The following RFX6 variants were observed in gnomAD, a reference collection of about 807,000 sequenced individuals.
RFX6 encodes regulatory factor X6.
In RFX6, 50 loss-of-function variants were observed where a neutral mutation model predicts 110.8. That is an observed-to-expected ratio of 0.45 (90% CI 0.36 to 0.57). RFX6 has a LOEUF of 0.57. RFX6 is among the 20% of genes least tolerant of loss of function. The probability of loss-of-function intolerance (pLI) is 0.00; values close to 1 mark genes in which losing one functional copy is unlikely to be tolerated. For synonymous variants in RFX6, 383 were observed against 411.2 expected (o/e 0.93, Z 0.83); for missense variants, 990 against 1,127.0 (o/e 0.88, Z 1.74).
intron 6 of RFX6, among the ~76,000 whole-genome samples, chr6:116,905,082 T>G (rs1074469): frequency 0.39 from 58,767 of 152,036 alleles, 12,024 homozygotes; most frequent in East Asian, 0.51. Context: ...TTTTAATTTT[T>G]GGGGGAACTA....
At chr6:116,890,191 G>A (rs1205426605) in intron 4 of RFX6, among the ~76,000 whole-genome samples, 1 of 151,976 alleles carries the variant, frequency 6.6e-6, no homozygotes, top group Non-Finnish European at 1.5e-5. Flanking sequence ...TTTAAATTTT[G>A]CCTTCAAACC....
Position 116,894,023 on chromosome 6 carries a change from T to G in RFX6, c.603T>G (p.Ser201Arg). The G allele has an allele frequency of 1.9e-6, 3 of 1,604,352 alleles. No homozygotes were observed. Among genetic ancestry groups the G allele is most frequent in the Non-Finnish European group, 2.6e-6 (3 of 1,171,238 alleles). The change falls in exon 5 of 19, where the codon AGT (serine) becomes AGG (arginine). Residue 201 changes from serine (S) to arginine (R), a missense_variant. Around this residue, in one of 5 missense-constraint regions of RFX6, gnomAD observed 243 missense variants for 353.1 expected, o/e 0.69. Coordinates refer to ENST00000332958, the MANE Select transcript of RFX6 (RefSeq NM_173560.4). ...ATGGGATTGGCATCAAAGAGAGCAGTGCATATTACCACTCCGTTTATTCTG... is the reference window on the plus strand; with the variant it reads ...ATGGGATTGGCATCAAAGAGAGCAGGGCATATTACCACTCCGTTTATTCTG... ...HYYGIGIKES[S>R]AYYHSVYSGK... is the part of the protein sequence containing the mutation.
intron 5 of RFX6, 148 bp from the exon 6 acceptor site, chr6:116,895,032 G>A (rs1362886681): frequency 2.2e-5 from 12 of 537,306 alleles, no homozygotes; most frequent in Non-Finnish European, 4.1e-5. Flanking sequence ...TGAGAAAGAT[G>A]CTTGATTTCT....
At chr6:116,926,541 C>T (rs1489234019) in intron 16 of RFX6, among the ~76,000 whole-genome samples, 2 of 152,166 alleles carry the variant, frequency 1.3e-5, no homozygotes, top group Non-Finnish European at 2.9e-5. Context: ...TCCATTTCTA[C>T]CAATGGAACA....
At chr6:116,891,489 T>C (rs1295548755) in intron 4 of RFX6, among the ~76,000 whole-genome samples, 1 of 152,218 alleles carries the variant, frequency 6.6e-6, no homozygotes, top group East Asian at 1.9e-4. Context: ...ATTTAAACTA[T>C]AAAGCTTATA....
rs1319174630 is a variant in RFX6, at chr6:116,877,341, G to A, written c.66G>A (p.Pro22=). ...CGCAGCCTGCGCCCCAACTGTCCCC[G>A]GGGATCCAGGAAGACTGCTGTGTGC... ...LQAQPAPQLS[P]GIQEDCCVQL... The change falls in exon 1 of 19, where the codon CCG becomes CCA. Residue 22 remains proline, a synonymous_variant. Transcript: ENST00000332958. 3 of 1,612,786 alleles carry A rather than the reference G, an allele frequency of 1.9e-6. No individual in the cohort carries two copies. The highest frequency in any genetic ancestry group is 2.2e-5 in the East Asian group (1 of 44,760).
intron 9 of RFX6, among the ~76,000 whole-genome samples, chr6:116,917,338 G>GTT (rs5879394): frequency 0.024 from 3,353 of 139,216 alleles, 153 homozygotes; most frequent in African/African-American, 0.081. Flanking sequence ...GGATTGTCTT[G>GTT]TTTTTTTTTT....
intron 18 of RFX6, among the ~76,000 whole-genome samples, chr6:116,929,198 G>C (rs1775827690): frequency 6.6e-6 from 1 of 151,996 alleles, no homozygotes; most frequent in African/African-American, 2.4e-5. Context: ...TGCTAGATCT[G>C]TTACTTTTTA....
intron 6 of RFX6, among the ~76,000 whole-genome samples, chr6:116,903,564 C>T (rs9372470): frequency 0.39 from 58,664 of 151,708 alleles, 12,005 homozygotes; most frequent in East Asian, 0.51. Context: ...ACTTTTTCCT[C>T]CCTACTCATC....
chr6:116,929,625 A>G (rs952265473), intron 18 of RFX6, among the ~76,000 whole-genome samples: 7 of 152,220 alleles, frequency 4.6e-5, no homozygotes, highest in Non-Finnish European at 1.0e-4. Flanking sequence ...AAATTCTGCA[A>G]TAATAATTAG....
chr6:116,920,105 A>G (rs1468331587), intron 11 of RFX6, among the ~76,000 whole-genome samples: 2 of 152,144 alleles, frequency 1.3e-5, no homozygotes, highest in Non-Finnish European at 1.5e-5. Flanking sequence ...TTAACTCATC[A>G]TTTACATTAG....
At chr6:116,893,417 C>T (rs959148600) in intron 4 of RFX6, among the ~76,000 whole-genome samples, 4 of 152,222 alleles carry the variant, frequency 2.6e-5, no homozygotes, top group African/African-American at 9.6e-5. Context: ...TTACTTTCCA[C>T]ATGTCATTTT....
chr6:116,903,971 G>A (rs181098884), intron 6 of RFX6, among the ~76,000 whole-genome samples: 6 of 151,914 alleles, frequency 3.9e-5, no homozygotes, highest in Non-Finnish European at 7.4e-5. Flanking sequence ...ACTAGTAAAG[G>A]TGAAATTATT....
chr6:116,884,054 AT>A (rs1291198184), intron 4 of RFX6, among the ~76,000 whole-genome samples: 3 of 152,124 alleles, frequency 2.0e-5, no homozygotes, highest in Non-Finnish European at 4.4e-5. Context: ...TCACCAAATA[AT>A]TATCCCAGTA....
intron 4 of RFX6, among the ~76,000 whole-genome samples, chr6:116,885,373 A>T (rs1004955120): frequency 2.6e-5 from 4 of 152,206 alleles, no homozygotes; most frequent in African/African-American, 7.2e-5. Context: ...AAAATTAATG[A>T]CTCAATATAA....
At chr6:116,925,841 T>C (rs1775713827) in intron 16 of RFX6, among the ~76,000 whole-genome samples, 182 bp downstream of exon 16, 1 of 152,212 alleles carries the variant, frequency 6.6e-6, no homozygotes, top group African/African-American at 2.4e-5. Flanking sequence ...AATACTGTTA[T>C]TAACACAGGT....
Position 116,922,962 on chromosome 6 carries a change from T to A in RFX6, c.1438-145T>A. 1.1e-5 allele frequency: 8 copies of A among 707,374 alleles called. No individual in the cohort carries two copies. The East Asian group carries it at 1.5e-4, about 14-fold the overall frequency. The allele number at this position is 707,374 out of a possible 1,614,324, so 43.8% of individuals were successfully genotyped here. ...AAAGACAGGCTAACATTAAATTCCC[T>A]GGACAGATAGTTTTATTTGATGAAA... On this transcript the variant is annotated intron_variant, in intron 13 of 18. Coordinates refer to ENST00000332958, the MANE Select transcript of RFX6 (RefSeq NM_173560.4).
chr6:116,883,986 T>C (rs181297591), intron 4 of RFX6, among the ~76,000 whole-genome samples: 1 of 152,268 alleles, frequency 6.6e-6, no homozygotes, highest in Non-Finnish European at 1.5e-5. Context: ...CATGATTTAG[T>C]CCAAGTTCAT....
chr6:116,909,646 T>C (rs1410071501), intron 6 of RFX6, among the ~76,000 whole-genome samples: 2 of 149,256 alleles, frequency 1.3e-5, no homozygotes, highest in African/African-American at 4.9e-5. Context: ...ATTAAGAATA[T>C]ACTTGAAAAG....
Sources: allele counts gnomAD v4.1 joint callset (sites outside exome capture counted in the v4.1 genomes callset), GRCh38; gene constraint gnomAD v4.1.1; regional missense constraint gnomAD v4.1.1; transcripts MANE v1.5; gene names NCBI Gene and HGNC (gene_info 2026-07-23, HGNC 2026-07-21).